The following FAM135B variants were observed in gnomAD, a reference collection of about 807,000 sequenced individuals.
The protein encoded by FAM135B is family with sequence similarity 135 member B.
FAM135B carries 43 observed loss-of-function variants against 127.7 expected under a neutral mutation model. The observed-to-expected ratio is 0.34, with a 90% CI of 0.26 to 0.43. The LOEUF (loss-of-function observed/expected upper bound fraction) is 0.43, where lower values mean the gene tolerates loss of function less well. Ranked by LOEUF, FAM135B falls within the 20% of genes least tolerant of loss-of-function variation. The pLI, the probability that FAM135B is intolerant of heterozygous loss-of-function variation, is 1.00. For missense variants in FAM135B, 1,558 were observed against 1,725.6 expected, an observed-to-expected ratio of 0.90 and a Z score of 1.72; for synonymous variants, 670 against 665.1, an observed-to-expected ratio of 1.01 and a Z score of -0.11.
intron 7 of FAM135B, among the ~76,000 whole-genome samples, chr8:138,225,489 CAAA>C (rs781773235): frequency 4.6e-5 from 7 of 150,748 alleles, no homozygotes; most frequent in African/African-American, 1.2e-4. Context: ...AAAACAAAAA[CAAA>C]GAAGAAAAAG....
intron 12 of FAM135B, among the ~76,000 whole-genome samples, chr8:138,166,775 G>A (rs907412410): frequency 5.3e-5 from 8 of 152,114 alleles, no homozygotes; most frequent in African/African-American, 9.7e-5. Context: ...GATGAGTGAC[G>A]GCAGTTGTAG....
At chr8:138,433,772 C>T (rs953964664) in intron 1 of FAM135B, among the ~76,000 whole-genome samples, 2 of 152,006 alleles carry the variant, frequency 1.3e-5, no homozygotes, top group Admixed American at 6.6e-5. Flanking sequence ...AAGCTCAACC[C>T]AGTAAGAAGA....
At chr8:138,396,081 G>A (rs1043940117) in intron 1 of FAM135B, among the ~76,000 whole-genome samples, 63 of 152,284 alleles carry the variant, frequency 4.1e-4, no homozygotes, top group Non-Finnish European at 7.2e-4. Flanking sequence ...TCTGTGTAAC[G>A]AAAGCACATC....
At chr8:138,414,998 A>G (rs950092393) in intron 1 of FAM135B, among the ~76,000 whole-genome samples, 1 of 152,172 alleles carries the variant, frequency 6.6e-6, no homozygotes, top group African/African-American at 2.4e-5. Context: ...GCAACTCGGG[A>G]TAAGCAGTGA....
intron 7 of FAM135B, among the ~76,000 whole-genome samples, chr8:138,218,628 G>A (rs1563783332): frequency 2.0e-5 from 3 of 152,076 alleles, no homozygotes; most frequent in Non-Finnish European, 4.4e-5. Context: ...ATACAGCACA[G>A]AGTTGCTCAA....
At chr8:138,486,233 G>A (rs1374751297) in intron 1 of FAM135B, among the ~76,000 whole-genome samples, 3 of 151,260 alleles carry the variant, frequency 2.0e-5, no homozygotes, top group African/African-American at 7.4e-5. Context: ...TCCAAGCATG[G>A]CAAAGTTTCA....
At chr8:138,426,115 C>CAT (rs1463475555) in intron 1 of FAM135B, among the ~76,000 whole-genome samples, 1 of 97,454 alleles carries the variant, frequency 1.0e-5, no homozygotes. Context: ...TATATATACA[C>CAT]ATATGTGTGT....
At chr8:138,199,057 T>C (rs1816896776) in intron 7 of FAM135B, among the ~76,000 whole-genome samples, 1 of 152,190 alleles carries the variant, frequency 6.6e-6, no homozygotes, top group Non-Finnish European at 1.5e-5. Context: ...GCACAGCCAA[T>C]GACTGGAGAT....
intron 2 of FAM135B, among the ~76,000 whole-genome samples, chr8:138,336,798 C>T (rs1828629921): frequency 6.6e-6 from 1 of 151,984 alleles, no homozygotes; most frequent in South Asian, 2.1e-4. Context: ...GGCAGAGACA[C>T]AACAAAAAAA....
intron 12 of FAM135B, among the ~76,000 whole-genome samples, chr8:138,158,099 A>G (rs1430655006): frequency 6.6e-6 from 1 of 152,222 alleles, no homozygotes. Context: ...ACTAAAACAG[A>G]GATATAGACC....
chr8:138,410,955 G>A (rs1833831397), intron 1 of FAM135B, among the ~76,000 whole-genome samples: 1 of 149,772 alleles, frequency 6.7e-6, no homozygotes, highest in South Asian at 2.1e-4. Flanking sequence ...CCTCTTCAAG[G>A]AGAACTACAA....
chr8:138,161,902 T>C (rs1290321301), intron 12 of FAM135B, among the ~76,000 whole-genome samples: 1 of 152,162 alleles, frequency 6.6e-6, no homozygotes, highest in Non-Finnish European at 1.5e-5. Context: ...GAGAGAAGAG[T>C]TGGTGTTTTG....
upstream of FAM135B, among the ~76,000 whole-genome samples, chr8:138,497,691 A>G (rs1461340208): frequency 3.3e-5 from 5 of 152,044 alleles, no homozygotes; most frequent in Non-Finnish European, 7.4e-5. Flanking sequence ...TGGGCTCCTC[A>G]CTTCATGCTG....
chr8:138,494,734 C>A (rs1349814679), intron 1 of FAM135B, among the ~76,000 whole-genome samples: 1 of 151,844 alleles, frequency 6.6e-6, no homozygotes, highest in Non-Finnish European at 1.5e-5. Flanking sequence ...CCTGACATTA[C>A]AGAGCAGAGT....
intron 7 of FAM135B, among the ~76,000 whole-genome samples, chr8:138,232,902 C>G (rs1002328165): frequency 3.3e-5 from 5 of 152,130 alleles, no homozygotes; most frequent in African/African-American, 1.2e-4. Flanking sequence ...ATTTATCCAT[C>G]CCATATAACT....
chr8:138,444,155 TC>T (rs1226275625), intron 1 of FAM135B, among the ~76,000 whole-genome samples: 2 of 152,022 alleles, frequency 1.3e-5, no homozygotes, highest in Non-Finnish European at 2.9e-5. Flanking sequence ...ATAAAGCAAG[TC>T]CTTAGAGACC....
chr8:138,232,761 C>G (rs998843912), intron 7 of FAM135B, among the ~76,000 whole-genome samples: 4 of 152,044 alleles, frequency 2.6e-5, no homozygotes, highest in African/African-American at 9.7e-5. Flanking sequence ...TTCTTGGTAA[C>G]TTATTTTTTA....
chr8:138,327,327 A>G (rs75929135), intron 2 of FAM135B, among the ~76,000 whole-genome samples: 1,942 of 152,268 alleles, frequency 0.013, 41 homozygotes, highest in African/African-American at 0.044. Context: ...TCCTCCTCCA[A>G]TATTCCTATG....
chr8:138,396,232 C>A (rs1469586261), intron 1 of FAM135B, among the ~76,000 whole-genome samples: 1 of 152,128 alleles, frequency 6.6e-6, no homozygotes, highest in Non-Finnish European at 1.5e-5. Context: ...GAAATGTAAG[C>A]CCTGTGCACA....
Sources: allele counts gnomAD v4.1 joint callset (sites outside exome capture counted in the v4.1 genomes callset), GRCh38; gene constraint gnomAD v4.1.1; transcripts MANE v1.5; gene names NCBI Gene and HGNC (gene_info 2026-07-23, HGNC 2026-07-21).